Variants in LAIR1 observed in about 807,000 individuals in gnomAD.
The protein encoded by LAIR1 is leukocyte associated immunoglobulin like receptor 1, also known as leukocyte-associated immunoglobulin-like receptor 1.
LAIR1 carries 24 observed loss-of-function variants against 32.8 expected under a neutral mutation model. That is an observed-to-expected ratio of 0.73 (90% CI 0.53 to 1.03). LAIR1 has a LOEUF of 1.03. LAIR1 is among the 50% of genes least tolerant of loss of function. LAIR1 has a pLI of 0.00. For synonymous variants in LAIR1, 150 were observed against 140.5 expected (o/e 1.07, Z -0.48); for missense variants, 355 against 347.5 (o/e 1.02, Z -0.17).
At chr19:54,373,187 A>G (rs993229480), upstream of LAIR1, among the ~76,000 whole-genome samples, 3 of 151,056 alleles carry the variant, frequency 2.0e-5, no homozygotes, top group East Asian at 1.9e-4. Context: ...TCACGCCTGT[A>G]ATCCCAGCAC....
Position 54,355,047 on chromosome 19 carries a change from C to A in LAIR1, c.*221G>T, listed in dbSNP as rs1244983324. 1 of 424,200 alleles carries A rather than the reference C, an allele frequency of 2.4e-6. No homozygotes were observed. The allele number at this position is 424,200 out of a possible 1,614,324, so 26.3% of individuals were successfully genotyped here. A position where few individuals can be genotyped will look rare whatever the true frequency, so the allele number is the denominator to read the frequency against. Reference sequence around the variant, plus strand: ...TCTCTGGAAATAACTGAGAAACAGTCTGTCCAAGGAGCTGCTCGATTGTAG... The same window carrying A: ...TCTCTGGAAATAACTGAGAAACAGTATGTCCAAGGAGCTGCTCGATTGTAG... On this transcript the variant is annotated 3_prime_UTR_variant, in exon 10 of 10. Transcript: ENST00000391742. This position sits in a 1 kb window ranked among gnomAD's most constrained non-coding sequence, Gnocchi z 4.7.
At chr19:54,358,574 C>A in intron 4 of LAIR1, 1 of 1,609,668 alleles carries the variant, frequency 6.2e-7, no homozygotes, top group Non-Finnish European at 8.5e-7. Flanking sequence ...GAGGCCATTT[C>A]TCCTCATTCT....
At position 54,364,512 on chromosome 19, in the gene LAIR1, C is replaced by T; in HGVS notation, c.35-182G>A. The T allele has an allele frequency of 1.2e-6, 1 of 810,560 alleles. No homozygotes were observed. Among genetic ancestry groups the T allele is most frequent in the Non-Finnish European group, 2.1e-6 (1 of 469,774 alleles). 50.2% of individuals were successfully genotyped at this position (810,560 alleles called of 1,614,324 possible). A position where few individuals can be genotyped will look rare whatever the true frequency, so the allele number is the denominator to read the frequency against. On this transcript the variant is annotated intron_variant, in intron 1 of 9. Transcript: ENST00000391742. The surrounding 1 kb of genome is among the most constrained non-coding windows in gnomAD (Gnocchi z 4.8). Reference sequence around the variant, plus strand: ...CTGCAAAATGGTTTCAAGATAAATCCCAAAGTCTCCTCCTCCAAAAAGGCT... The same window carrying T: ...CTGCAAAATGGTTTCAAGATAAATCTCAAAGTCTCCTCCTCCAAAAAGGCT...
At chr19:54,369,677 T>C (rs1021688335), upstream of LAIR1, among the ~76,000 whole-genome samples, 6 of 151,156 alleles carry the variant, frequency 4.0e-5, no homozygotes, top group African/African-American at 1.2e-4. Context: ...AGGCATAGAG[T>C]AGTGATTCTC....
Position 54,354,026 on chromosome 19 carries a change from C to A in LAIR1, c.*1242G>T, listed in dbSNP as rs2081598936. 6.6e-6 allele frequency: 1 copy of A among 152,230 alleles called. No individual in the cohort carries two copies. The highest frequency in any genetic ancestry group is 2.1e-4 in the South Asian group (1 of 4,832). The allele number at this position is 152,230 out of a possible 1,614,324, so 9.4% of individuals were successfully genotyped here. A position where few individuals can be genotyped will look rare whatever the true frequency, so the allele number is the denominator to read the frequency against. On this transcript the variant is annotated 3_prime_UTR_variant, in exon 10 of 10. Transcript: ENST00000391742. Reference sequence around the variant, plus strand: ...GGGATTACAGGCGTGAGCCTCCATGCCCGGCCTGTTTTTGTTTTTTAAAGA... The same window carrying A: ...GGGATTACAGGCGTGAGCCTCCATGACCGGCCTGTTTTTGTTTTTTAAAGA...
chr19:54,358,779 G>A (rs918334329), intron 4 of LAIR1, among the ~76,000 whole-genome samples: 1 of 151,340 alleles, frequency 6.6e-6, no homozygotes, highest in Non-Finnish European at 1.5e-5. Context: ...TGTTTCACAT[G>A]AGGAATTTGG....
At chr19:54,363,444 T>C (rs1234537224) in intron 2 of LAIR1, among the ~76,000 whole-genome samples, 2 of 152,052 alleles carry the variant, frequency 1.3e-5, no homozygotes, top group Admixed American at 6.6e-5. Context: ...TTGGTTGTGT[T>C]GGGTTTGAAT....
intron 2 of LAIR1, among the ~76,000 whole-genome samples, chr19:54,361,805 C>A (rs1415229048): frequency 6.6e-6 from 1 of 151,946 alleles, no homozygotes; most frequent in African/African-American, 2.4e-5. Flanking sequence ...TGTGGAGACA[C>A]CACCTCTGGG....
At chr19:54,362,122 A>C (rs2122520646) in intron 2 of LAIR1, among the ~76,000 whole-genome samples, 1 of 152,214 alleles carries the variant, frequency 6.6e-6, no homozygotes, top group Admixed American at 6.5e-5. Flanking sequence ...TCGCTGAATC[A>C]AGCTAATTAA....
rs1457996843 is a variant in LAIR1 at position 54,364,700 on chromosome 19, C to A, written c.34+71G>T. The A allele has an allele frequency of 9.2e-6, 12 of 1,299,848 alleles. No individual in the cohort carries two copies. Among genetic ancestry groups the A allele is most frequent in the Non-Finnish European group, 1.2e-5 (11 of 900,332 alleles). The allele number at this position is 1,299,848 out of a possible 1,614,324, so 80.5% of individuals were successfully genotyped here. A position where few individuals can be genotyped will look rare whatever the true frequency, so the allele number is the denominator to read the frequency against. ...TCCCCAGAATCTTCTGGACTAGAGT[C>A]AGGCTTGAGCAGGGAATTTTCCAGA... On this transcript the variant is annotated intron_variant, in intron 1 of 9. Transcript: ENST00000391742. The surrounding 1 kb of genome is among the most constrained non-coding windows in gnomAD (Gnocchi z 4.8).
At chr19:54,372,464 C>A (rs1197142296), upstream of LAIR1, among the ~76,000 whole-genome samples, 1 of 150,528 alleles carries the variant, frequency 6.6e-6, no homozygotes, top group Middle Eastern at 3.4e-3. Flanking sequence ...CAAGCCACTT[C>A]CCCTATAAAC....
chr19:54,375,716 T>C, the LAIR1 span, among the ~76,000 whole-genome samples: 2 of 152,024 alleles, frequency 1.3e-5, no homozygotes, highest in South Asian at 4.1e-4. Context: ...GGGGGCTTGG[T>C]CAACTTCCTT....
In LAIR1 at chr19:54,353,892, C is replaced by T. The variant is rs2081591390; in HGVS notation, c.*1376G>A. The T allele has an allele frequency of 7.2e-6, 1 of 137,992 alleles. No homozygotes were observed. Among genetic ancestry groups the T allele is most frequent in the African/African-American group, 2.6e-5 (1 of 38,450 alleles). The allele number at this position is 137,992 out of a possible 1,614,324, so 8.5% of individuals were successfully genotyped here. A position where few individuals can be genotyped will look rare whatever the true frequency, so the allele number is the denominator to read the frequency against. On this transcript the variant is annotated 3_prime_UTR_variant, in exon 10 of 10. Transcript: ENST00000391742. The stretch of plus-strand genomic sequence containing the variant: ...GGACTACAGGCACCCACCACCACAC[C>T]CGGCTAATTTTTTTGTATTTTTAGT...
intron 7 of LAIR1, 26 bp downstream of exon 7, chr19:54,356,330 C>A: frequency 6.3e-7 from 1 of 1,599,612 alleles, no homozygotes. Context: ...GGGTGGAGGT[C>A]CAGGAGTCAT....
In LAIR1 at chr19:54,355,227, G is replaced by A. The variant is rs746161447; in HGVS notation, c.*41C>T. ...GGCTGCTTCAGGCTTTTCCTAGAGT[G>A]ACTTTCTACCCTCAGGTGCAGAGGC... is the stretch of plus-strand genomic sequence containing the variant. On this transcript the variant is annotated 3_prime_UTR_variant, in exon 10 of 10. Transcript: ENST00000391742. This position sits in a 1 kb window ranked among gnomAD's most constrained non-coding sequence, Gnocchi z 4.7. 9 of 1,509,226 alleles carry A rather than the reference G, an allele frequency of 6.0e-6. No homozygotes were observed. In the South Asian group the frequency reaches 1.2e-4, roughly 19 times the overall value. 93.5% of individuals were successfully genotyped at this position (1,509,226 alleles called of 1,614,324 possible).
Position 54,357,103 on chromosome 19 carries a change from A to T in LAIR1, c.416-137T>A. ...GACTGCTCCCTCTAGACCAGCACCG[A>T]CCAGCAGAGTCTTCTGTGATGATGG... On this transcript the variant is annotated intron_variant, in intron 4 of 9. Transcript: ENST00000391742. 6 of 685,836 alleles carry T rather than the reference A, an allele frequency of 8.7e-6. No homozygotes were observed. In the South Asian group the frequency reaches 1.1e-4, roughly 13 times the overall value. The allele number at this position is 685,836 out of a possible 1,614,324, so 42.5% of individuals were successfully genotyped here.
upstream of LAIR1, among the ~76,000 whole-genome samples, chr19:54,367,639 A>C (rs868476598): frequency 8.0e-4 from 121 of 151,320 alleles, no homozygotes; most frequent in African/African-American, 2.9e-3. Context: ...CCAGCTACTC[A>C]GGAGGCTGAG....
chr19:54,371,692 C>A (rs570495167), upstream of LAIR1, among the ~76,000 whole-genome samples: 3 of 151,702 alleles, frequency 2.0e-5, no homozygotes, highest in East Asian at 5.8e-4. Context: ...CTTCTTAATT[C>A]ATTAATGATG....
At chr19:54,369,113 G>A (rs1276273555), upstream of LAIR1, among the ~76,000 whole-genome samples, 3 of 148,174 alleles carry the variant, frequency 2.0e-5, no homozygotes, top group Non-Finnish European at 3.0e-5. Context: ...TGCTTTACAC[G>A]ACCCCAGCAC....
Sources: gnomAD v4.1 joint callset for allele counts (sites outside exome capture counted in the v4.1 genomes callset) on GRCh38, gnomAD v4.1.1 for gene constraint, Gnocchi (gnomAD v3.1) non-coding constraint, MANE v1.5 for transcripts, NCBI Gene and HGNC (gene_info 2026-07-23, HGNC 2026-07-21) for gene names.